RSPO2: variants seen among roughly 807,000 people sequenced by gnomAD.
RSPO2 encodes R-spondin 2.
In RSPO2, 14 loss-of-function variants were observed where a neutral mutation model predicts 30.9. That is an observed-to-expected ratio of 0.45 (90% CI 0.30 to 0.71). RSPO2 has a LOEUF of 0.71. Among genes scored for constraint, RSPO2 ranks in the 30% least tolerant of loss-of-function variants. The pLI is 0.08. For missense variants in RSPO2, 264 were observed against 301.9 expected (o/e 0.87, Z 0.93); for synonymous variants, 107 against 96.4 (o/e 1.11, Z -0.64).
chr8:108,072,326 T>C (rs1812872585), intron 2 of RSPO2, among the ~76,000 whole-genome samples: 1 of 118,936 alleles, frequency 8.4e-6, no homozygotes, highest in Admixed American at 7.8e-5. Context: ...GAACTTTTTT[T>C]TTTTTTTTTT....
At chr8:108,072,492 A>ATTTTTTTTTT (rs71308776) in intron 2 of RSPO2, among the ~76,000 whole-genome samples, 1 of 122,660 alleles carries the variant, frequency 8.2e-6, no homozygotes, top group African/African-American at 3.2e-5. Context: ...AGCCCGGCTA[A>ATTTTTTTTTT]TTTTTTTTTT....
chr8:107,924,285 A>C (rs1022904049), intron 5 of RSPO2, among the ~76,000 whole-genome samples: 6 of 152,068 alleles, frequency 3.9e-5, no homozygotes, highest in Non-Finnish European at 8.8e-5. Context: ...GAACATATGG[A>C]TAAATCAAAA....
chr8:107,949,458 G>A (rs188432151), intron 5 of RSPO2, among the ~76,000 whole-genome samples: 6 of 151,762 alleles, frequency 4.0e-5, no homozygotes, highest in South Asian at 4.2e-4. Flanking sequence ...TGCTATAAAC[G>A]TAGATCTACA....
chr8:107,997,840 A>G (rs1053490485), intron 2 of RSPO2, among the ~76,000 whole-genome samples: 4 of 152,156 alleles, frequency 2.6e-5, no homozygotes, highest in African/African-American at 4.8e-5. Flanking sequence ...CATTTATCTC[A>G]TAGAGTATTT....
chr8:108,060,402 G>T (rs879656237), intron 2 of RSPO2, among the ~76,000 whole-genome samples: 2 of 151,828 alleles, frequency 1.3e-5, no homozygotes, highest in African/African-American at 2.4e-5. Flanking sequence ...AGCTTCAGTA[G>T]CCAATTCGAT....
chr8:108,011,175 G>A (rs1201364675), intron 2 of RSPO2, among the ~76,000 whole-genome samples: 33 of 126,556 alleles, frequency 2.6e-4, no homozygotes, highest in South Asian at 5.2e-4. Flanking sequence ...AAAAGAAAAA[G>A]AAAAAGGAAA....
intron 5 of RSPO2, among the ~76,000 whole-genome samples, chr8:107,952,500 T>C (rs946065550): frequency 6.6e-6 from 1 of 152,172 alleles, no homozygotes; most frequent in African/African-American, 2.4e-5. Context: ...AATTTTAATA[T>C]CGACATTCTT....
At chr8:107,928,022 G>A (rs1311044663) in intron 5 of RSPO2, among the ~76,000 whole-genome samples, 1 of 152,108 alleles carries the variant, frequency 6.6e-6, no homozygotes, top group South Asian at 2.1e-4. Flanking sequence ...CACTGTGCAG[G>A]TAAAGACCTA....
At chr8:108,074,692 T>C (rs561838674) in intron 2 of RSPO2, among the ~76,000 whole-genome samples, 2 of 152,340 alleles carry the variant, frequency 1.3e-5, no homozygotes, top group African/African-American at 4.8e-5. Flanking sequence ...GAATTTCTTT[T>C]CTTTGAATTA....
At chr8:107,981,072 A>G (rs1206567720) in intron 3 of RSPO2, among the ~76,000 whole-genome samples, 1 of 152,252 alleles carries the variant, frequency 6.6e-6, no homozygotes, top group Admixed American at 6.5e-5. Context: ...GTATCTTTAT[A>G]GATCTTCAAA....
At chr8:108,033,518 T>A (rs1031296625) in intron 2 of RSPO2, among the ~76,000 whole-genome samples, 2 of 152,190 alleles carry the variant, frequency 1.3e-5, no homozygotes, top group Non-Finnish European at 2.9e-5. Flanking sequence ...CAAGTCAGAG[T>A]GTCCTCTCAC....
chr8:108,066,068 G>T (rs1812656036), intron 2 of RSPO2, among the ~76,000 whole-genome samples: 1 of 151,242 alleles, frequency 6.6e-6, no homozygotes, highest in African/African-American at 2.5e-5. Flanking sequence ...AAAAGAAAAA[G>T]AAAAGACAAG....
intron 2 of RSPO2, among the ~76,000 whole-genome samples, chr8:108,010,277 G>A (rs569381789): frequency 6.6e-6 from 1 of 152,042 alleles, no homozygotes; most frequent in Non-Finnish European, 1.5e-5. Context: ...TGTCTACAAA[G>A]GTACATGTGC....
chr8:107,910,906 T>G (rs148171086), intron 5 of RSPO2, among the ~76,000 whole-genome samples: 1 of 152,052 alleles, frequency 6.6e-6, no homozygotes, highest in African/African-American at 2.4e-5. Flanking sequence ...TTTAAAAAAT[T>G]TTAAAATAGC....
intron 2 of RSPO2, among the ~76,000 whole-genome samples, chr8:108,030,240 A>C (rs890066746): frequency 1.3e-5 from 2 of 151,906 alleles, no homozygotes. Flanking sequence ...TTGAGGACAC[A>C]CTCTGCTGGA....
chr8:107,937,057 T>G (rs1437021099), intron 5 of RSPO2, among the ~76,000 whole-genome samples: 1 of 152,142 alleles, frequency 6.6e-6, no homozygotes, highest in African/African-American at 2.4e-5. Context: ...TCATGAAATA[T>G]TTACCTAGAC....
At chr8:107,980,373 A>G (rs1191242749) in intron 3 of RSPO2, among the ~76,000 whole-genome samples, 1 of 152,152 alleles carries the variant, frequency 6.6e-6, no homozygotes, top group Non-Finnish European at 1.5e-5. Flanking sequence ...AATACCTACT[A>G]ATACTGTTGG....
At chr8:108,079,395 C>T (rs1813115241) in intron 2 of RSPO2, among the ~76,000 whole-genome samples, 1 of 152,084 alleles carries the variant, frequency 6.6e-6, no homozygotes, top group Non-Finnish European at 1.5e-5. Flanking sequence ...TCTTATTGTT[C>T]GTGATGATCT....
chr8:108,075,785 T>TA (rs1166453781), intron 2 of RSPO2, among the ~76,000 whole-genome samples: 34 of 151,916 alleles, frequency 2.2e-4, no homozygotes, highest in Non-Finnish European at 4.0e-4. Context: ...CTTCAATTTT[T>TA]AAAAAAACAG....
Sources: allele counts gnomAD v4.1 joint callset (sites outside exome capture counted in the v4.1 genomes callset), GRCh38; gene constraint gnomAD v4.1.1; transcripts MANE v1.5; gene names NCBI Gene and HGNC (gene_info 2026-07-23, HGNC 2026-07-21).